STYK1: variants seen among roughly 807,000 people sequenced by gnomAD.
STYK1 encodes STY kinase 1, also known as tyrosine-protein kinase STYK1.
In STYK1, 46 loss-of-function variants were observed where a neutral mutation model predicts 48.1. The ratio of observed to expected loss-of-function variants is 0.96; its 90% CI spans 0.75 to 1.22. STYK1 has a LOEUF of 1.22. STYK1 is among the 50% of genes most tolerant of loss of function. The pLI, the probability that STYK1 is intolerant of heterozygous loss-of-function variation, is 0.00. For missense variants in STYK1, 527 were observed against 521.1 expected (o/e 1.01, Z -0.11); for synonymous variants, 188 against 189.0 (o/e 0.99, Z 0.04).
At chr12:10,663,667 C>G (rs1396086961) in intron 1 of STYK1, among the ~76,000 whole-genome samples, 2 of 107,084 alleles carry the variant, frequency 1.9e-5, no homozygotes, top group African/African-American at 3.3e-5. Flanking sequence ...CAACTTTGTT[C>G]TTTTTCAAGA....
chr12:10,621,838 T>C, intron 10 of STYK1, 38 bp downstream of exon 10: 1 of 1,581,536 alleles, frequency 6.3e-7, no homozygotes, highest in East Asian at 2.2e-5. Flanking sequence ...AAACAACATT[T>C]GGAATGAAAG....
chr12:10,630,900 C>T (rs745987761), intron 5 of STYK1, 145 bp downstream of exon 5: 62 of 1,052,806 alleles, frequency 5.9e-5, no homozygotes, highest in Non-Finnish European at 7.7e-5. Context: ...CCAAGAAAAA[C>T]ATTTCTGCCT....
At chr12:10,621,436 G>A (rs1456430978) in intron 10 of STYK1, among the ~76,000 whole-genome samples, 1 of 152,100 alleles carries the variant, frequency 6.6e-6, no homozygotes, top group Non-Finnish European at 1.5e-5. Context: ...ATAAGAACTG[G>A]TATACTCTGA....
intron 1 of STYK1, among the ~76,000 whole-genome samples, chr12:10,640,403 C>T (rs756821639): frequency 6.6e-6 from 1 of 151,872 alleles, no homozygotes; most frequent in African/African-American, 2.4e-5. Flanking sequence ...GATAACTTGC[C>T]TTATGCCCTG....
At position 10,657,936 on chromosome 12, in the gene STYK1, G is replaced by A. The variant is rs560840711; in HGVS notation, c.-195+16030C>T. On this transcript the variant is annotated intron_variant, in intron 1 of 10. Coordinates refer to ENST00000075503, the MANE Select transcript of STYK1 (RefSeq NM_018423.3). The stretch of plus-strand genomic sequence containing the variant: ...TTGGTAAAAGATTATAAGAAGGCAT[G>A]GGAATGTGAATTTTTTTTAGCCTAG... 5.3e-5 allele frequency among the ~76,000 whole-genome samples: 8 copies of A among 152,356 alleles called. No homozygotes were observed. The South Asian group carries it at 1.7e-3, about 32-fold the overall frequency.
intron 1 of STYK1, among the ~76,000 whole-genome samples, chr12:10,643,780 C>T (rs1315073752): frequency 6.6e-6 from 1 of 152,146 alleles, no homozygotes; most frequent in East Asian, 1.9e-4. Context: ...GAGCTTGATA[C>T]ATTCTCATAA....
At position 10,627,671 on chromosome 12, in the gene STYK1, A is replaced by T; in HGVS notation, c.687T>A (p.Tyr229Ter). Residue 229 changes from tyrosine to a stop codon, truncating the protein, a stop_gained, in exon 7 of 11, where the codon TAT becomes TAA. Coordinates refer to ENST00000075503, the MANE Select transcript of STYK1 (RefSeq NM_018423.3). LOFTEE classifies it high-confidence loss of function. ...CCAAAAGGACCTGCTTTCCGATGTG[A>T]TATACTTGTTTTTCTGTGAGATCAT... ...LLYDLTEKQV[Y>*]HIGKQVLLAL... 1.2e-6 allele frequency: 2 copies of T among 1,613,932 alleles called. No individual in the cohort carries two copies. Among genetic ancestry groups the T allele is most frequent in the Non-Finnish European group, 8.5e-7 (1 of 1,179,930 alleles).
intron 9 of STYK1, 100 bp downstream of exon 9, chr12:10,622,538 G>T: frequency 7.3e-7 from 1 of 1,371,046 alleles, no homozygotes; most frequent in Non-Finnish European, 1.0e-6. Context: ...CTTCAGCACT[G>T]TACTGAAACC....
intron 1 of STYK1, among the ~76,000 whole-genome samples, chr12:10,640,388 G>A (rs753811355): frequency 1.3e-5 from 2 of 152,184 alleles, no homozygotes; most frequent in Non-Finnish European, 2.9e-5. Flanking sequence ...AAGCGTATTT[G>A]TGTAGATAAC....
In STYK1 at chr12:10,631,071, T is replaced by G; in HGVS notation, c.425A>C (p.Lys142Thr). 6.2e-7 allele frequency: 1 copy of G among 1,614,148 alleles called. No individual in the cohort carries two copies. ...NMNTGDPSKPKSVILKALKEP... is the reference protein window; with the variant it reads ...NMNTGDPSKPTSVILKALKEP... ...TTTTAAAGCCTTGAGAATAACACTC[T>G]TGGGCTTAGAAGGGTCCCCAGTGTT... The change falls in exon 5 of 11, where the codon AAG (lysine) becomes ACG (threonine). Residue 142 changes from lysine to threonine, a missense_variant. By Grantham distance (78) the Lys-to-Thr change is moderately conservative. Coordinates refer to ENST00000075503, the MANE Select transcript of STYK1 (RefSeq NM_018423.3).
At chr12:10,655,496 G>A (rs1218442759) in intron 1 of STYK1, among the ~76,000 whole-genome samples, 1 of 152,190 alleles carries the variant, frequency 6.6e-6, no homozygotes, top group African/African-American at 2.4e-5. Context: ...GGCATCCCTG[G>A]TTCAGCGTTC....
chr12:10,626,290 C>T (rs542970609), intron 7 of STYK1, among the ~76,000 whole-genome samples: 8 of 152,240 alleles, frequency 5.3e-5, no homozygotes, highest in East Asian at 1.9e-4. Context: ...CATCCCTGGA[C>T]GGCGCCTCTG....
chr12:10,649,186 G>A (rs1040995116), intron 1 of STYK1, among the ~76,000 whole-genome samples: 1 of 152,020 alleles, frequency 6.6e-6, no homozygotes, highest in Non-Finnish European at 1.5e-5. Context: ...AGAAATAGGT[G>A]GAGATGTAAA....
intron 1 of STYK1, among the ~76,000 whole-genome samples, chr12:10,649,652 A>G (rs1188100809): frequency 6.6e-6 from 1 of 152,202 alleles, no homozygotes; most frequent in Non-Finnish European, 1.5e-5. Flanking sequence ...TAGTTATTTT[A>G]TAATAAGAAC....
chr12:10,666,609 C>A (rs1947836019), intron 1 of STYK1, among the ~76,000 whole-genome samples: 1 of 152,058 alleles, frequency 6.6e-6, no homozygotes, highest in Non-Finnish European at 1.5e-5. Context: ...AATTGTAATC[C>A]CCGTAATCCC....
chr12:10,660,077 C>T (rs918013395), intron 1 of STYK1, among the ~76,000 whole-genome samples: 1 of 152,146 alleles, frequency 6.6e-6, no homozygotes, highest in Non-Finnish European at 1.5e-5. Flanking sequence ...CAGTTAGTGA[C>T]CACATATCAT....
intron 1 of STYK1, among the ~76,000 whole-genome samples, chr12:10,650,119 CAAAAAAAAAA>C (rs71051518): frequency 2.9e-4 from 15 of 51,314 alleles, no homozygotes; most frequent in Admixed American, 6.4e-4. Flanking sequence ...GACTCTGTCT[CAAAAAAAAAA>C]AAAAAAAAAA....
chr12:10,635,248 G>A (rs191957395), intron 2 of STYK1, among the ~76,000 whole-genome samples: 20 of 152,268 alleles, frequency 1.3e-4, no homozygotes, highest in African/African-American at 4.8e-4. Context: ...AATCCCCTGA[G>A]TCTCTGGAAT....
intron 1 of STYK1, among the ~76,000 whole-genome samples, chr12:10,639,181 T>C (rs1210901314): frequency 2.6e-5 from 4 of 152,152 alleles, no homozygotes; most frequent in Non-Finnish European, 5.9e-5. Flanking sequence ...ACATGTTTAA[T>C]GGGCTGAATA....
Sources: allele counts gnomAD v4.1 joint callset (sites outside exome capture counted in the v4.1 genomes callset), GRCh38; gene constraint gnomAD v4.1.1; transcripts MANE v1.5; gene names NCBI Gene and HGNC (gene_info 2026-07-23, HGNC 2026-07-21).